CDKAL1: variants seen among roughly 807,000 people sequenced by gnomAD.
The protein encoded by CDKAL1 is CDKAL1 threonylcarbamoyladenosine tRNA methylthiotransferase.
In CDKAL1, 32 loss-of-function variants were observed where a neutral mutation model predicts 68.2. That is an observed-to-expected ratio of 0.47 (90% CI 0.35 to 0.63). The LOEUF (loss-of-function observed/expected upper bound fraction) is 0.63. Ranked by LOEUF, CDKAL1 falls within the 30% of genes least tolerant of loss-of-function variation. The probability of loss-of-function intolerance (pLI) is 0.00; values close to 1 mark genes in which losing one functional copy is unlikely to be tolerated. For synonymous variants in CDKAL1, 234 were observed against 244.3 expected (o/e 0.96, Z 0.39); for missense variants, 606 against 696.7 (o/e 0.87, Z 1.47).
intron 8 of CDKAL1, among the ~76,000 whole-genome samples, chr6:20,835,234 A>G (rs946859438): frequency 1.6e-4 from 25 of 152,328 alleles, no homozygotes; most frequent in African/African-American, 5.5e-4. Flanking sequence ...TCATATGTCA[A>G]CACTTACCAA....
chr6:20,780,025 G>C (rs1775346208), intron 7 of CDKAL1, among the ~76,000 whole-genome samples: 1 of 150,772 alleles, frequency 6.6e-6, no homozygotes, highest in Non-Finnish European at 1.5e-5. Context: ...GAGACAGGAG[G>C]ACTGCTTGAG....
intron 10 of CDKAL1, among the ~76,000 whole-genome samples, chr6:20,979,890 G>A (rs531427243): frequency 8.0e-5 from 12 of 150,680 alleles, no homozygotes; most frequent in Non-Finnish European, 7.4e-5. Flanking sequence ...TCCTGCCTCA[G>A]CCTCCTAAGT....
At chr6:20,753,957 A>ATGTG (rs112105313) in intron 6 of CDKAL1, among the ~76,000 whole-genome samples, 6,082 of 147,748 alleles carry the variant, frequency 0.041, 150 homozygotes, top group Middle Eastern at 0.084. Flanking sequence ...TATTATCTGT[A>ATGTG]TGTGTGTGTG....
intron 9 of CDKAL1, among the ~76,000 whole-genome samples, chr6:20,930,768 A>G (rs1465556500): frequency 1.3e-5 from 2 of 150,282 alleles, no homozygotes; most frequent in Non-Finnish European, 3.0e-5. Context: ...TTTTGAGACA[A>G]GAGTCTCGCT....
chr6:20,955,752 G>T (rs1471751378), intron 10 of CDKAL1, among the ~76,000 whole-genome samples, 167 bp downstream of exon 10: 3 of 151,912 alleles, frequency 2.0e-5, no homozygotes, highest in Non-Finnish European at 4.4e-5. Context: ...CCCTTCTTTG[G>T]CAGGCAACAC....
chr6:21,025,850 T>C (rs1315824105), intron 11 of CDKAL1, among the ~76,000 whole-genome samples: 1 of 152,068 alleles, frequency 6.6e-6, no homozygotes, highest in Non-Finnish European at 1.5e-5. Context: ...TACAACCTTA[T>C]AGGAAAAAAA....
At chr6:20,615,750 A>G (rs113028446) in intron 4 of CDKAL1, among the ~76,000 whole-genome samples, 25,631 of 127,528 alleles carry the variant, frequency 0.2, 2,296 homozygotes, top group East Asian at 0.43. Flanking sequence ...CTCTGATGGT[A>G]GTTTCTTTTG....
At chr6:21,085,134 C>A (rs930493159) in intron 12 of CDKAL1, among the ~76,000 whole-genome samples, 3 of 152,142 alleles carry the variant, frequency 2.0e-5, no homozygotes, top group African/African-American at 7.2e-5. Context: ...TGGAAGAAGG[C>A]TGTCTGGTGG....
At chr6:21,136,016 T>C (rs1428220922) in intron 13 of CDKAL1, among the ~76,000 whole-genome samples, 1 of 152,234 alleles carries the variant, frequency 6.6e-6, no homozygotes, top group Non-Finnish European at 1.5e-5. Flanking sequence ...TCTTAATGTT[T>C]TTGCATTATC....
chr6:20,813,328 A>G (rs910260626), intron 8 of CDKAL1, among the ~76,000 whole-genome samples: 3 of 152,152 alleles, frequency 2.0e-5, no homozygotes, highest in Non-Finnish European at 4.4e-5. Context: ...ATTTAGTGCT[A>G]GGATTTCTTT....
chr6:20,546,207 T>C (rs1436136792), intron 2 of CDKAL1, 139 bp from the exon 3 acceptor site: 1 of 605,196 alleles, frequency 1.7e-6, no homozygotes, highest in Non-Finnish European at 2.8e-6. Flanking sequence ...TGTGTTTCTT[T>C]ATCTCTTGTA....
chr6:20,803,114 T>G (rs1776434201), intron 8 of CDKAL1, among the ~76,000 whole-genome samples: 1 of 152,304 alleles, frequency 6.6e-6, no homozygotes, highest in East Asian at 1.9e-4. Context: ...TGTGAAAACT[T>G]TTTTACTTAA....
chr6:21,219,757 CT>C (rs1779468278), intron 15 of CDKAL1, among the ~76,000 whole-genome samples: 1 of 152,162 alleles, frequency 6.6e-6, no homozygotes, highest in Non-Finnish European at 1.5e-5. Context: ...CACATGTCTT[CT>C]TTTTCATTTA....
chr6:21,028,837 T>A (rs1769101565), intron 11 of CDKAL1, among the ~76,000 whole-genome samples: 1 of 152,186 alleles, frequency 6.6e-6, no homozygotes, highest in African/African-American at 2.4e-5. Flanking sequence ...GAATGTTCAA[T>A]TGGTACTTCA....
rs192435468 is a variant in CDKAL1 at position 21,183,708 on chromosome 6, G to A, written c.1300-14313G>A. Among the ~76,000 whole-genome samples the A allele has an allele frequency of 4.8e-3, 737 of 152,236 alleles. 3 individuals carry two copies. Among genetic ancestry groups the A allele is most frequent in the African/African-American group, 0.015 (625 of 41,536 alleles). On this transcript the variant is annotated intron_variant, in intron 13 of 15. Transcript: ENST00000274695. ...CCTGGAGATAGTAGAAGTGCTGCGGGTTATGTTACCAACAATAATCTAACT... is the reference window on the plus strand; with the variant it reads ...CCTGGAGATAGTAGAAGTGCTGCGGATTATGTTACCAACAATAATCTAACT...
chr6:21,044,539 A>G (rs915273259), intron 11 of CDKAL1, among the ~76,000 whole-genome samples: 4 of 152,174 alleles, frequency 2.6e-5, no homozygotes, highest in South Asian at 4.1e-4. Context: ...AAACCCTTTC[A>G]CAGATGCCAA....
rs184438051 is a variant in CDKAL1 at position 20,747,717 on chromosome 6, T to C, written c.468+8102T>C. Among the ~76,000 whole-genome samples the C allele has an allele frequency of 2.3e-4, 35 of 152,382 alleles. 1 individual carries two copies. The highest frequency in any genetic ancestry group is 8.2e-4 in the African/African-American group (34 of 41,584). On this transcript the variant is annotated intron_variant, in intron 6 of 15. Transcript: ENST00000274695. ...CATTAAGTTATATGAATTCCTTGTATATTTTGGACATGAACCCCTTATCAG... is the reference window on the plus strand; with the variant it reads ...CATTAAGTTATATGAATTCCTTGTACATTTTGGACATGAACCCCTTATCAG...
intron 11 of CDKAL1, among the ~76,000 whole-genome samples, chr6:21,004,905 T>C (rs769606112): frequency 6.6e-6 from 1 of 152,168 alleles, no homozygotes; most frequent in South Asian, 2.1e-4. Context: ...GAAGTTACAA[T>C]GAGCTATGAT....
chr6:20,795,685 G>T (rs1443885574), intron 8 of CDKAL1, among the ~76,000 whole-genome samples: 5 of 152,138 alleles, frequency 3.3e-5, no homozygotes, highest in Admixed American at 6.5e-5. Flanking sequence ...TGCCAAGATG[G>T]TGATATGCTG....
Sources: gnomAD v4.1 joint callset for allele counts (sites outside exome capture counted in the v4.1 genomes callset) on GRCh38, gnomAD v4.1.1 for gene constraint, MANE v1.5 for transcripts, NCBI Gene and HGNC (gene_info 2026-07-23, HGNC 2026-07-21) for gene names.